The following ALDH7A1 variants were observed in gnomAD, a reference collection of about 807,000 sequenced individuals.
ALDH7A1 encodes the protein alpha-aminoadipic semialdehyde dehydrogenase.
Under a neutral mutation model 79.9 loss-of-function variants are expected in ALDH7A1, and 63 were observed. The ratio of observed to expected loss-of-function variants is 0.79; its 90% CI spans 0.64 to 0.97. The LOEUF (loss-of-function observed/expected upper bound fraction) is 0.97. ALDH7A1 is among the 50% of genes least tolerant of loss of function. The pLI, the probability that ALDH7A1 is intolerant of heterozygous loss-of-function variation, is 0.00. For synonymous variants in ALDH7A1, 240 were observed against 231.2 expected (o/e 1.04, Z -0.34); for missense variants, 627 against 665.2 (o/e 0.94, Z 0.63).
intron 11 of ALDH7A1, 147 bp downstream of exon 11, chr5:126,559,093 C>T (rs747683385): frequency 1.1e-4 from 73 of 690,354 alleles, no homozygotes; most frequent in Non-Finnish European, 1.7e-4. Flanking sequence ...GCCATGAGCA[C>T]AGAAAGAGAA....
chr5:126,578,791 G>T (rs139846732), intron 5 of ALDH7A1, among the ~76,000 whole-genome samples: 1 of 152,058 alleles, frequency 6.6e-6, no homozygotes, highest in South Asian at 2.1e-4. Flanking sequence ...CATACCACAC[G>T]AATACGATGG....
At chr5:126,588,320 A>G (rs1275127042) in intron 3 of ALDH7A1, 1 of 152,100 alleles carries the variant, frequency 6.6e-6, no homozygotes, top group Non-Finnish European at 1.5e-5. Flanking sequence ...AAAAATACAA[A>G]AAAAAAACAT....
chr5:126,559,109 C>T (rs1253597643), intron 11 of ALDH7A1, 131 bp downstream of exon 11: 3 of 750,148 alleles, frequency 4.0e-6, no homozygotes, highest in Middle Eastern at 3.7e-4. Context: ...GAGAACTGGA[C>T]CACATATTTG....
rs35617751 is a variant in ALDH7A1 at position 126,577,320 on chromosome 5, GT to G, written c.518-110del. The G allele has an allele frequency of 0.094, 133,486 of 1,418,492 alleles. 6,513 individuals are homozygous for G. Among genetic ancestry groups the G allele is most frequent in the African/African-American group, 0.12 (8,462 of 70,480 alleles). 87.9% of individuals were successfully genotyped at this position (1,418,492 alleles called of 1,614,324 possible). A position where few individuals can be genotyped will look rare whatever the true frequency, so the allele number is the denominator to read the frequency against. On this transcript the variant is annotated intron_variant, in intron 5 of 17. Transcript: ENST00000409134. ...TGGAGAAGATTCCAGATGCCTTATAGTGGGAAATTGCTACACAGCCATGGGA... is the reference window on the plus strand; with the variant it reads ...TGGAGAAGATTCCAGATGCCTTATAGGGGAAATTGCTACACAGCCATGGGA...
chr5:126,570,650 C>A, intron 8 of ALDH7A1, 132 bp downstream of exon 8: 1 of 885,650 alleles, frequency 1.1e-6, no homozygotes, highest in Non-Finnish European at 1.9e-6. Flanking sequence ...CAACAAAGTC[C>A]ATAATAATAA....
At chr5:126,548,488 AC>A in intron 16 of ALDH7A1, among the ~76,000 whole-genome samples, 1 of 150,078 alleles carries the variant, frequency 6.7e-6, no homozygotes, top group South Asian at 2.1e-4. Flanking sequence ...GTGCACTGGC[AC>A]AATCTTGGCT....
intron 5 of ALDH7A1, among the ~76,000 whole-genome samples, chr5:126,580,549 T>G (rs1484938117): frequency 1.3e-5 from 2 of 152,166 alleles, no homozygotes; most frequent in African/African-American, 2.4e-5. Context: ...TTTCTACAAG[T>G]AGGGAATTTA....
Position 126,561,068 on chromosome 5 carries a change from AAGAGGC to A in ALDH7A1, c.913+9_913+14del. On this transcript the variant is annotated intron_variant, in intron 10 of 17. Coordinates refer to ENST00000409134, the MANE Select transcript of ALDH7A1 (RefSeq NM_001182.5). ...ACTGAACAGAAAACAAACAAAAACAAAGAGGCAGCCTTACCAATAATGGCATTGTTT... is the reference window on the plus strand; with the variant it reads ...ACTGAACAGAAAACAAACAAAAACAAAGCCTTACCAATAATGGCATTGTTT... The A allele has an allele frequency of 6.2e-7, 1 of 1,613,298 alleles. No individual in the cohort carries two copies. Among genetic ancestry groups the A allele is most frequent in the Non-Finnish European group, 8.5e-7 (1 of 1,179,554 alleles).
rs558474050 is a variant in ALDH7A1, at chr5:126,576,204, A to G, written c.651-740T>C. Reference sequence around the variant, plus strand: ...CGTGAACCTGGGAGGCGGAGCTTGCAGAGAGCCGAGACCGCGCCCCTGCAC... The same window carrying G: ...CGTGAACCTGGGAGGCGGAGCTTGCGGAGAGCCGAGACCGCGCCCCTGCAC... On this transcript the variant is annotated intron_variant, in intron 6 of 17. Transcript: ENST00000409134. 1.3e-4 allele frequency among the ~76,000 whole-genome samples: 20 copies of G among 149,974 alleles called. No individual in the cohort carries two copies. In the East Asian group the frequency reaches 3.8e-3, roughly 28 times the overall value.
chr5:126,583,913 T>C lies in ALDH7A1; in HGVS notation c.393+19A>G, dbSNP rs749775905. The C allele has an allele frequency of 4.4e-6, 7 of 1,594,944 alleles. No individual in the cohort carries two copies. The highest frequency in any genetic ancestry group is 6.0e-6 in the Non-Finnish European group (7 of 1,162,684). On this transcript the variant is annotated intron_variant, in intron 4 of 17. Coordinates refer to ENST00000409134, the MANE Select transcript of ALDH7A1 (RefSeq NM_001182.5). ...TTGTCCACTCAAAGAATTGTGTATA[T>C]ACTACAAAAATACTTTACCAAGCTT...
intron 11 of ALDH7A1, 63 bp downstream of exon 11, chr5:126,559,177 C>G: frequency 7.2e-7 from 1 of 1,392,320 alleles, no homozygotes; most frequent in South Asian, 1.2e-5. Context: ...TCTCTAACAG[C>G]AGAACTCATT....
chr5:126,569,853 T>C (rs1055667928), intron 8 of ALDH7A1: 2 of 152,124 alleles, frequency 1.3e-5, no homozygotes, highest in African/African-American at 2.4e-5. Flanking sequence ...GTAAGTACAA[T>C]AGTATTTAAA....
At chr5:126,586,200 T>TCTGTCATTTTCACAAC (rs1751354821) in intron 3 of ALDH7A1, 8 of 152,242 alleles carry the variant, frequency 5.3e-5, no homozygotes, top group African/African-American at 1.9e-4. Context: ...ATGTTTGCAA[T>TCTGTCATTTTCACAAC]GTCTGTCATT....
rs574931385 is a variant in ALDH7A1, at chr5:126,544,548, A to G, written c.*417T>C. The G allele has an allele frequency of 2.9e-5, 7 of 244,108 alleles. No individual in the cohort carries two copies. In the South Asian group the frequency reaches 3.7e-4, roughly 13 times the overall value. The allele number at this position is 244,108 out of a possible 1,614,324, so 15.1% of individuals were successfully genotyped here. A position where few individuals can be genotyped will look rare whatever the true frequency, so the allele number is the denominator to read the frequency against. ...ATGCCATAGGTGGGTAATGTCAAGCAATATTCACCCCCCGCCCCTGAATCC... is the reference window on the plus strand; with the variant it reads ...ATGCCATAGGTGGGTAATGTCAAGCGATATTCACCCCCCGCCCCTGAATCC... On this transcript the variant is annotated 3_prime_UTR_variant, in exon 18 of 18. Transcript: ENST00000409134.
chr5:126,554,944 G>A (rs1185368535), intron 12 of ALDH7A1: 1 of 183,782 alleles, frequency 5.4e-6, no homozygotes, highest in African/African-American at 2.4e-5. Flanking sequence ...TCTATGAGGA[G>A]GAGGCATGTT....
intron 3 of ALDH7A1, chr5:126,588,452 C>T (rs1352699761): frequency 1.3e-5 from 2 of 152,144 alleles, no homozygotes; most frequent in Non-Finnish European, 2.9e-5. Flanking sequence ...GCACTCCAGC[C>T]TAGGCAAGAG....
At chr5:126,582,084 G>A in intron 5 of ALDH7A1, 1 of 398,678 alleles carries the variant, frequency 2.5e-6, no homozygotes, top group Non-Finnish European at 4.4e-6. Flanking sequence ...AGCTACTCGG[G>A]AGGCTGAAGG....
At chr5:126,584,908 G>A (rs1751309227) in intron 3 of ALDH7A1, among the ~76,000 whole-genome samples, 1 of 152,152 alleles carries the variant, frequency 6.6e-6, no homozygotes, top group African/African-American at 2.4e-5. Context: ...GTCACATAAA[G>A]TTTGAGATGT....
At chr5:126,564,421 T>C in intron 9 of ALDH7A1, 1 of 723,898 alleles carries the variant, frequency 1.4e-6, no homozygotes, top group African/African-American at 1.8e-5. Context: ...GTGCTAGGAT[T>C]ACAGACGTGA....
Sources: gnomAD v4.1 joint callset for allele counts (sites outside exome capture counted in the v4.1 genomes callset) on GRCh38, gnomAD v4.1.1 for gene constraint, MANE v1.5 for transcripts, NCBI Gene and HGNC (gene_info 2026-07-23, HGNC 2026-07-21) for gene names.